The following ADGRD1 variants were observed in gnomAD, a reference collection of about 807,000 sequenced individuals.
ADGRD1 encodes G-protein coupled receptor 133.
Under a neutral mutation model 113.4 loss-of-function variants are expected in ADGRD1, and 77 were observed. The observed-to-expected ratio is 0.68, with a 90% CI of 0.57 to 0.82. The LOEUF is 0.82. Among genes scored for constraint, ADGRD1 ranks in the 40% least tolerant of loss-of-function variants. ADGRD1 has a pLI of 0.00. For missense variants in ADGRD1, 1,036 were observed against 1,139.1 expected, an observed-to-expected ratio of 0.91 and a Z score of 1.30; for synonymous variants, 474 against 475.0, an observed-to-expected ratio of 1.00 and a Z score of 0.03.
At chr12:131,007,475 T>C (rs1877278590) in intron 12 of ADGRD1, among the ~76,000 whole-genome samples, 1 of 152,212 alleles carries the variant, frequency 6.6e-6, no homozygotes, top group Admixed American at 6.5e-5. Flanking sequence ...CGGGGCCTGC[T>C]CTGGGGAGCC....
At position 131,004,325 on chromosome 12, in the gene ADGRD1, C is replaced by T. The variant is rs369950505; in HGVS notation, c.1255+29C>T. The T allele has an allele frequency of 6.7e-5, 100 of 1,485,112 alleles. No individual in the cohort carries two copies. The South Asian group carries it at 8.5e-4, about 13-fold the overall frequency. 92.0% of individuals were successfully genotyped at this position (1,485,112 alleles called of 1,614,324 possible). ...AGTGTGGCTGCGCTGGACTCCCTTC[C>T]GGGGCGGCTCCCTCAAGTCTTTCTG... On this transcript the variant is annotated intron_variant, in intron 11 of 24. Transcript: ENST00000261654.
chr12:131,084,862 C>T lies in ADGRD1; in HGVS notation c.1671+199C>T, dbSNP rs949031439. Among the ~76,000 whole-genome samples the T allele has an allele frequency of 6.6e-6, 1 of 152,180 alleles. No homozygotes were observed. The highest frequency in any genetic ancestry group is 2.4e-5 in the African/African-American group (1 of 41,446). Reference sequence around the variant, plus strand: ...CATGTATTGGGTGCCAGCAAATATCCGAGGAGCCCATGATTGTGTAAATCG... The same window carrying T: ...CATGTATTGGGTGCCAGCAAATATCTGAGGAGCCCATGATTGTGTAAATCG... On this transcript the variant is annotated intron_variant, in intron 15 of 24. Transcript: ENST00000261654. The surrounding 1 kb of genome is among the most constrained non-coding windows in gnomAD (Gnocchi z 4.5).
intron 13 of ADGRD1, among the ~76,000 whole-genome samples, chr12:131,018,139 G>A (rs912924963): frequency 2.6e-4 from 39 of 152,244 alleles, no homozygotes; most frequent in African/African-American, 9.4e-4. Flanking sequence ...TGCACAGAGC[G>A]GGTCTCCAGG....
At chr12:131,070,046 A>T (rs934216977) in intron 13 of ADGRD1, 2 of 152,204 alleles carry the variant, frequency 1.3e-5, no homozygotes, top group Admixed American at 6.5e-5. Flanking sequence ...AGATGAAGCC[A>T]CAAGCAAAGG....
intron 19 of ADGRD1, among the ~76,000 whole-genome samples, chr12:131,118,948 A>G (rs1950526924): frequency 6.6e-6 from 1 of 152,076 alleles, no homozygotes; most frequent in South Asian, 2.1e-4. Context: ...TAGGGGATGG[A>G]CCTTATGATG....
At chr12:131,121,148 C>A (rs1950583433) in intron 20 of ADGRD1, among the ~76,000 whole-genome samples, 1 of 152,190 alleles carries the variant, frequency 6.6e-6, no homozygotes, top group Non-Finnish European at 1.5e-5. Flanking sequence ...CAGGGCTCTT[C>A]CAGTCGAGGC....
At chr12:131,122,767 C>G (rs991238591) in intron 20 of ADGRD1, among the ~76,000 whole-genome samples, 17 of 152,216 alleles carry the variant, frequency 1.1e-4, no homozygotes, top group African/African-American at 4.1e-4. Flanking sequence ...CTGTCCTGGT[C>G]ATCTGGCTTT....
In ADGRD1 at chr12:131,139,151, C is replaced by T; in HGVS notation, c.2530-17C>T. ...TGGGAGCAGGCCCTTCACTGCTCAT[C>T]CCTTTATGCTTTGCAGATGAATGGG... is the stretch of plus-strand genomic sequence containing the variant. On this transcript the variant is annotated splice_polypyrimidine_tract_variant and intron_variant, in intron 24 of 24. Coordinates refer to ENST00000261654, the MANE Select transcript of ADGRD1 (RefSeq NM_198827.5). 6.2e-7 allele frequency: 1 copy of T among 1,605,346 alleles called. No individual in the cohort carries two copies. The highest frequency in any genetic ancestry group is 8.5e-7 in the Non-Finnish European group (1 of 1,173,238).
intron 15 of ADGRD1, among the ~76,000 whole-genome samples, chr12:131,089,293 G>A (rs1418491370): frequency 1.3e-5 from 2 of 152,324 alleles, no homozygotes; most frequent in Admixed American, 6.5e-5. Flanking sequence ...AAAGGAGCCC[G>A]AACCAAGGGC....
Position 130,991,040 on chromosome 12 carries a change from C to G in ADGRD1, c.772C>G (p.Leu258Val). Residue 258 changes from leucine (L) to valine (V), a missense_variant, in exon 7 of 25, where the codon CTG becomes GTG. Leu to Val is a conservative substitution (Grantham distance 32). Coordinates refer to ENST00000261654, the MANE Select transcript of ADGRD1 (RefSeq NM_198827.5). ...IGKHALLSST[L>V]PSLFMTSTAS... Reference sequence around the variant, plus strand: ...AAAGCATGCTTTATTGTCTTCAACGCTGCCAAGCCTCTTCATGACATCCAC... The same window carrying G: ...AAAGCATGCTTTATTGTCTTCAACGGTGCCAAGCCTCTTCATGACATCCAC... 6.2e-7 allele frequency: 1 copy of G among 1,614,110 alleles called. No individual in the cohort carries two copies. Among genetic ancestry groups the G allele is most frequent in the South Asian group, 1.1e-5 (1 of 91,064 alleles).
Position 131,104,859 on chromosome 12 carries a change from C to G in ADGRD1, c.1700C>G (p.Ser567Trp). 4 of 1,550,056 alleles carry G rather than the reference C, an allele frequency of 2.6e-6. No homozygotes were observed. Among genetic ancestry groups the G allele is most frequent in the Non-Finnish European group, 3.5e-6 (4 of 1,147,054 alleles). The change falls in exon 16 of 25, where the codon TCG (serine) becomes TGG (tryptophan). Residue 567 changes from serine (S) to tryptophan (W), a missense_variant. By Grantham distance (177) the Ser-to-Trp change is radical. Coordinates refer to ENST00000261654, the MANE Select transcript of ADGRD1 (RefSeq NM_198827.5). ...ELARGHQVAL[S>W]SISYVGCSLS... ...GCACGCGGACACCAGGTGGCGCTGTCGTCTATCAGCTATGTGGGCTGCTCC... is the reference window on the plus strand; with the variant it reads ...GCACGCGGACACCAGGTGGCGCTGTGGTCTATCAGCTATGTGGGCTGCTCC...
At position 130,954,385 on chromosome 12, in the gene ADGRD1, G is replaced by A; in HGVS notation, c.-81G>A. On this transcript the variant is annotated 5_prime_UTR_variant, in exon 1 of 25. Coordinates refer to ENST00000261654, the MANE Select transcript of ADGRD1 (RefSeq NM_198827.5). The surrounding 1 kb of genome is among the most constrained non-coding windows in gnomAD (Gnocchi z 4.7). ...ACCTGTGAAAATGTCCCTTTTCCAAGGAAGTGAAGGTTAAGAGGTCCCGTT... is the reference window on the plus strand; with the variant it reads ...ACCTGTGAAAATGTCCCTTTTCCAAAGAAGTGAAGGTTAAGAGGTCCCGTT... The A allele has an allele frequency of 8.1e-7, 1 of 1,236,958 alleles. No individual in the cohort carries two copies. The highest frequency in any genetic ancestry group is 1.1e-6 in the Non-Finnish European group (1 of 889,878). The allele number at this position is 1,236,958 out of a possible 1,614,324, so 76.6% of individuals were successfully genotyped here. A position where few individuals can be genotyped will look rare whatever the true frequency, so the allele number is the denominator to read the frequency against.
chr12:131,021,840 G>A (rs1186873572), intron 13 of ADGRD1, among the ~76,000 whole-genome samples: 1 of 152,074 alleles, frequency 6.6e-6, no homozygotes, highest in Non-Finnish European at 1.5e-5. Flanking sequence ...CTGAGAATCT[G>A]GGACCTCAGA....
intron 18 of ADGRD1, among the ~76,000 whole-genome samples, chr12:131,114,656 G>A (rs1327866472): frequency 6.6e-6 from 1 of 151,986 alleles, no homozygotes; most frequent in Non-Finnish European, 1.5e-5. Flanking sequence ...CCCCTGGGAG[G>A]TGGCTTCTTC....
At chr12:131,090,383 T>C (rs1488887668) in intron 15 of ADGRD1, among the ~76,000 whole-genome samples, 2 of 83,286 alleles carry the variant, frequency 2.4e-5, no homozygotes, top group Non-Finnish European at 7.2e-5. Context: ...CTCGCACTGC[T>C]GGTCTTTGGG....
At chr12:131,048,381 G>C (rs1475348427) in intron 13 of ADGRD1, among the ~76,000 whole-genome samples, 1 of 152,190 alleles carries the variant, frequency 6.6e-6, no homozygotes, top group Non-Finnish European at 1.5e-5. Context: ...GTGGAGAGCT[G>C]GAAGCAGCCG....
Position 131,009,195 on chromosome 12 carries a change from G to A in ADGRD1, c.1331+3148G>A, listed in dbSNP as rs535215319. Reference sequence around the variant, plus strand: ...GTGGGCCCGTGTCTCTTGCTGTCACGTCATGGGAGACGTCCATGCCTCCTG... The same window carrying A: ...GTGGGCCCGTGTCTCTTGCTGTCACATCATGGGAGACGTCCATGCCTCCTG... On this transcript the variant is annotated intron_variant, in intron 12 of 24. Coordinates refer to ENST00000261654, the MANE Select transcript of ADGRD1 (RefSeq NM_198827.5). Among the ~76,000 whole-genome samples the A allele has an allele frequency of 1.4e-3, 210 of 152,350 alleles. 2 individuals carry two copies. The highest frequency in any genetic ancestry group is 4.5e-3 in the African/African-American group (187 of 41,580).
chr12:130,981,303 A>T (rs1872963549), intron 4 of ADGRD1: 1 of 152,238 alleles, frequency 6.6e-6, no homozygotes, highest in South Asian at 2.1e-4. Flanking sequence ...CGCTGTGCAG[A>T]CATAAAAGTG....
chr12:130,954,824 C>T lies in ADGRD1; in HGVS notation c.103+164C>T, dbSNP rs1265775629. 3.9e-5 allele frequency among the ~76,000 whole-genome samples: 6 copies of T among 152,238 alleles called. No homozygotes were observed. The highest frequency in any genetic ancestry group is 7.3e-5 in the Non-Finnish European group (5 of 68,036). On this transcript the variant is annotated intron_variant, in intron 2 of 24. Coordinates refer to ENST00000261654, the MANE Select transcript of ADGRD1 (RefSeq NM_198827.5). The surrounding 1 kb of genome is among the most constrained non-coding windows in gnomAD (Gnocchi z 4.7). ...CACCACACACTGTGACCCTGGGCAG[C>T]TCTGCTACCCCTCACCGGCTGAGCG...
Sources: allele counts gnomAD v4.1 joint callset (sites outside exome capture counted in the v4.1 genomes callset), GRCh38; gene constraint gnomAD v4.1.1; non-coding constraint Gnocchi (gnomAD v3.1); transcripts MANE v1.5; gene names NCBI Gene and HGNC (gene_info 2026-07-23, HGNC 2026-07-21).